ASB9: variants seen among roughly 807,000 people sequenced by gnomAD.
The protein encoded by ASB9 is ankyrin repeat and SOCS box containing 9.
A neutral mutation model predicts 16.6 loss-of-function variants in ASB9; 5 were observed. The observed-to-expected ratio is 0.30, with a 90% CI of 0.16 to 0.63. ASB9 has a LOEUF of 0.63. Ranked by LOEUF, ASB9 falls within the 30% of genes least tolerant of loss-of-function variation. ASB9 has a pLI of 0.82. For missense variants in ASB9, 216 were observed against 229.4 expected, an observed-to-expected ratio of 0.94 and a Z score of 0.38; for synonymous variants, 100 against 86.4, an observed-to-expected ratio of 1.16 and a Z score of -0.87.
chrX:15,248,995 TTTCAAAGCCCCGA>T, intron 5 of ASB9, 60 bp from the exon 6 acceptor site: 1 of 1,048,730 alleles, frequency 9.5e-7, no homozygotes, highest in Non-Finnish European at 1.2e-6. Context: ...CATCGGGGCT[TTTCAAAGCCCCGA>T]GCCCCAAAAT....
At chrX:15,264,112 T>C (rs1481351073) in intron 1 of ASB9, among the ~76,000 whole-genome samples, 1 of 111,701 alleles carries the variant, frequency 9.0e-6, no homozygotes, top group Non-Finnish European at 1.9e-5. Context: ...CCATACTCTA[T>C]CCAAAGGCTC....
chrX:15,251,318 C>A (rs1261644777), intron 4 of ASB9, among the ~76,000 whole-genome samples: 1 of 111,592 alleles, frequency 9.0e-6, no homozygotes, highest in Non-Finnish European at 1.9e-5. Flanking sequence ...CCGGGAGGAA[C>A]AGGCCACAGC....
chrX:15,267,996 T>C (rs1452039569), intron 1 of ASB9, among the ~76,000 whole-genome samples: 1 of 110,841 alleles, frequency 9.0e-6, no homozygotes, highest in Non-Finnish European at 1.9e-5. Context: ...GTTTTATTTC[T>C]TCCATTTTTA....
intron 6 of ASB9, among the ~76,000 whole-genome samples, chrX:15,244,956 T>G (rs1038741095): frequency 8.9e-6 from 1 of 111,934 alleles, no homozygotes; most frequent in Admixed American, 9.5e-5. Context: ...CAAATAAAAT[T>G]TATGTTTAAT....
At chrX:15,252,526 G>T in intron 3 of ASB9, 122 bp from the exon 4 acceptor site, 2 of 717,546 alleles carry the variant, frequency 2.8e-6, no homozygotes, top group African/African-American at 2.1e-5. Flanking sequence ...GCTATAAAAT[G>T]GAGAAATAAC....
intron 5 of ASB9, among the ~76,000 whole-genome samples, chrX:15,249,634 T>C (rs1376854969): frequency 8.9e-6 from 1 of 112,619 alleles, no homozygotes. Context: ...TGAAAATCTA[T>C]GTCCACTCAA....
chrX:15,258,401 T>C (rs951553810), intron 2 of ASB9, among the ~76,000 whole-genome samples: 8 of 112,427 alleles, frequency 7.1e-5, no homozygotes, highest in Non-Finnish European at 9.4e-5. Flanking sequence ...ATTAGTGTTA[T>C]AATCTATTTA....
rs1925772048 is a variant in ASB9 at position 15,258,890 on chromosome X, C to T, written c.150G>A (p.Leu50=). The change falls in exon 2 of 7, where the codon CTG becomes CTA. Residue 50 remains leucine (L), a synonymous_variant. Transcript: ENST00000380488. ...CCTGGCTGATGAGGTTCCTCAGAGA[C>T]AGCTGATGTCCGTGGATTGCAGCTT... ...MHEAAIHGHQ[L]SLRNLISQGW... The T allele has an allele frequency of 8.3e-7, 1 of 1,209,495 alleles. No individual in the cohort carries two copies. Among genetic ancestry groups the T allele is most frequent in the Non-Finnish European group, 1.1e-6 (1 of 894,520 alleles).
rs1924487964 is a variant in ASB9, at chrX:15,244,429, C to T, written c.*77G>A. ...AACTAGTCAAACTCTATAAATCCAACTTGATTTTAAAATTCTAGTGGCTAC... is the reference window on the plus strand; with the variant it reads ...AACTAGTCAAACTCTATAAATCCAATTTGATTTTAAAATTCTAGTGGCTAC... On this transcript the variant is annotated 3_prime_UTR_variant, in exon 7 of 7. Transcript: ENST00000380488. 12 of 1,080,318 alleles carry T rather than the reference C, an allele frequency of 1.1e-5. No individual in the cohort carries two copies. The highest frequency in any genetic ancestry group is 1.5e-5 in the Non-Finnish European group (12 of 789,557). 89.0% of individuals were successfully genotyped at this position (1,080,318 alleles called of 1,213,427 possible).
rs192434408 is a variant in ASB9 at position 15,253,183 on chromosome X, G to A, written c.283-779C>T. ...CGGGAGGCAGAGGTTGCAGTGAACCGAGATCACGCCACTGCACTCCAGCCT... is the reference window on the plus strand; with the variant it reads ...CGGGAGGCAGAGGTTGCAGTGAACCAAGATCACGCCACTGCACTCCAGCCT... On this transcript the variant is annotated intron_variant, in intron 3 of 6. Transcript: ENST00000380488. Among the ~76,000 whole-genome samples the A allele has an allele frequency of 4.1e-3, 458 of 111,071 alleles. 1 individual carries two copies. Among genetic ancestry groups the A allele is most frequent in the Non-Finnish European group, 6.7e-3 (355 of 52,934 alleles).
At chrX:15,257,109 A>G (rs1895456389) in intron 2 of ASB9, among the ~76,000 whole-genome samples, 1 of 111,657 alleles carries the variant, frequency 9.0e-6, no homozygotes, top group South Asian at 3.7e-4. Context: ...CACAACTGCC[A>G]TTGTAAAACC....
rs1924487429 is a variant in ASB9, at chrX:15,244,420, T to C, written c.*86A>G. ...AATCGAAAAAACTAGTCAAACTCTA[T>C]AAATCCAACTTGATTTTAAAATTCT... is the stretch of plus-strand genomic sequence containing the variant. On this transcript the variant is annotated 3_prime_UTR_variant, in exon 7 of 7. Coordinates refer to ENST00000380488, the MANE Select transcript of ASB9 (RefSeq NM_001031739.3). The C allele has an allele frequency of 1.9e-6, 2 of 1,061,140 alleles. No individual in the cohort carries two copies. Among genetic ancestry groups the C allele is most frequent in the Non-Finnish European group, 2.6e-6 (2 of 774,305 alleles). 87.4% of individuals were successfully genotyped at this position (1,061,140 alleles called of 1,213,427 possible).
intron 1 of ASB9, 133 bp downstream of exon 1, chrX:15,269,648 G>C: frequency 7.5e-6 from 3 of 399,500 alleles, no homozygotes; most frequent in Admixed American, 1.1e-4. Flanking sequence ...ATATATACCA[G>C]TGAGCTGTGG....
At chrX:15,269,718 C>A (rs937831998) in intron 1 of ASB9, 63 bp downstream of exon 1, 1 of 1,009,397 alleles carries the variant, frequency 9.9e-7, no homozygotes, top group East Asian at 3.2e-5. Context: ...ACTGCCCAAC[C>A]CTCCTCTCCT....
At chrX:15,244,697 AAAAAAAGCATCC>A in intron 6 of ASB9, 67 bp from the exon 7 acceptor site, 1 of 1,036,523 alleles carries the variant, frequency 9.6e-7, no homozygotes, top group Non-Finnish European at 1.3e-6. Flanking sequence ...TTTTTTAAAA[AAAAAAAGCATCC>A]AAGATAGAAC....
At chrX:15,249,034 G>T (rs1924897328) in intron 5 of ASB9, 99 bp from the exon 6 acceptor site, 1 of 847,125 alleles carries the variant, frequency 1.2e-6, no homozygotes, top group East Asian at 3.4e-5. Flanking sequence ...AACAAGAGGG[G>T]ATCCATATTG....
intron 2 of ASB9, among the ~76,000 whole-genome samples, chrX:15,256,526 C>A (rs1384575732): frequency 3.7e-5 from 4 of 107,500 alleles, no homozygotes; most frequent in African/African-American, 1.4e-4. Context: ...GCCTGTAATC[C>A]CAGCACTTTG....
intron 1 of ASB9, among the ~76,000 whole-genome samples, chrX:15,263,657 C>G (rs770619980): frequency 3.0e-4 from 33 of 110,530 alleles, no homozygotes; most frequent in Middle Eastern, 9.2e-3. Context: ...ATCACCCATT[C>G]TGTCTCAACA....
chrX:15,268,646 C>G (rs1926741798), intron 1 of ASB9, among the ~76,000 whole-genome samples: 1 of 106,442 alleles, frequency 9.4e-6, no homozygotes, highest in Non-Finnish European at 1.9e-5. Context: ...GGATGGTATC[C>G]TGACATCGTG....
Sources: gnomAD v4.1 joint callset for allele counts (sites outside exome capture counted in the v4.1 genomes callset) on GRCh38, gnomAD v4.1.1 for gene constraint, MANE v1.5 for transcripts, NCBI Gene and HGNC (gene_info 2026-07-23, HGNC 2026-07-21) for gene names.